RHPN2: variants seen among roughly 807,000 people sequenced by gnomAD.
The protein encoded by RHPN2 is rhophilin Rho GTPase binding protein 2, also known as rhophilin-2.
Under a neutral mutation model 79.0 loss-of-function variants are expected in RHPN2, and 40 were observed. That is an observed-to-expected ratio of 0.51 (90% CI 0.39 to 0.66). RHPN2 has a LOEUF of 0.66. RHPN2 is among the 30% of genes least tolerant of loss of function. RHPN2 has a pLI of 0.00. For missense variants in RHPN2, 686 were observed against 883.5 expected (o/e 0.78, Z 2.83); for synonymous variants, 285 against 363.5 (o/e 0.78, Z 2.46).
At chr19:33,016,779 G>A (rs1971881629) in intron 4 of RHPN2, among the ~76,000 whole-genome samples, 1 of 152,166 alleles carries the variant, frequency 6.6e-6, no homozygotes, top group Non-Finnish European at 1.5e-5. Flanking sequence ...GATTTGAAAT[G>A]GAACTGCCGT....
intron 1 of RHPN2, among the ~76,000 whole-genome samples, chr19:33,048,758 G>C (rs573065808): frequency 7.5e-6 from 1 of 133,452 alleles, no homozygotes; most frequent in South Asian, 2.7e-4. Context: ...TTAATGTTAA[G>C]CTATTATAAT....
chr19:33,043,283 G>A (rs556691970), intron 2 of RHPN2, among the ~76,000 whole-genome samples: 2 of 152,160 alleles, frequency 1.3e-5, no homozygotes, highest in Admixed American at 1.3e-4. Context: ...AGACGCAGTA[G>A]CTCGCGCCTG....
At chr19:33,015,384 C>T in intron 4 of RHPN2, among the ~76,000 whole-genome samples, 1 of 152,086 alleles carries the variant, frequency 6.6e-6, no homozygotes, top group Non-Finnish European at 1.5e-5. Flanking sequence ...GAGATTGAGC[C>T]ATTGCACTCC....
chr19:33,061,789 C>G (rs903441062), intron 1 of RHPN2, among the ~76,000 whole-genome samples: 4 of 151,990 alleles, frequency 2.6e-5, no homozygotes, highest in African/African-American at 9.7e-5. Flanking sequence ...TGGTCAGCAC[C>G]TGCCTTTCAT....
chr19:32,995,996 C>T, intron 11 of RHPN2, 30 bp downstream of exon 11: 1 of 1,613,008 alleles, frequency 6.2e-7, no homozygotes. Context: ...CAGGCACCCC[C>T]ACAGAGGGAA....
chr19:33,056,953 CAAAAAAAAAAA>C (rs754855820), intron 1 of RHPN2, among the ~76,000 whole-genome samples: 5 of 114,430 alleles, frequency 4.4e-5, no homozygotes, highest in Middle Eastern at 4.3e-3. Context: ...AATAAAAATA[CAAAAAAAAAAA>C]AAAAAATTAG....
rs1971917500 is a variant in RHPN2, at chr19:33,020,747, T to C, written c.390+824A>G. Reference sequence around the variant, plus strand: ...AACTCCTGAGCTCAAGTGATCCGCCTGCTTCAGCCTCCCAAAGTGCTGGGA... The same window carrying C: ...AACTCCTGAGCTCAAGTGATCCGCCCGCTTCAGCCTCCCAAAGTGCTGGGA... On this transcript the variant is annotated intron_variant, in intron 4 of 14. Coordinates refer to ENST00000254260, the MANE Select transcript of RHPN2 (RefSeq NM_033103.5). Among the ~76,000 whole-genome samples, 3 of 152,182 alleles carry C rather than the reference T, an allele frequency of 2.0e-5. No homozygotes were observed. The South Asian group carries it at 6.2e-4, about 32-fold the overall frequency.
At position 33,044,270 on chromosome 19, in the gene RHPN2, G is replaced by T; in HGVS notation, c.164C>A (p.Thr55Asn). 1 of 1,613,922 alleles carries T rather than the reference G, an allele frequency of 6.2e-7. No homozygotes were observed. ...QQILKAVRMR[T>N]GAENLLKVAT... ...CTACTTCAGAAGGTTTTCCGCTCCG[G>T]TCCTCATCCGCACGGCTTTCAGGAT... Residue 55 changes from threonine to asparagine, a missense_variant, in exon 2 of 15, where the codon ACC (threonine) becomes AAC (asparagine). Coordinates refer to ENST00000254260, the MANE Select transcript of RHPN2 (RefSeq NM_033103.5).
chr19:33,035,668 G>A (rs1187764833), intron 2 of RHPN2, among the ~76,000 whole-genome samples: 1 of 152,076 alleles, frequency 6.6e-6, no homozygotes, highest in Non-Finnish European at 1.5e-5. Flanking sequence ...AGACTTGCTG[G>A]GCTGCATTCT....
chr19:33,022,860 G>C (rs970840921), intron 3 of RHPN2, among the ~76,000 whole-genome samples: 1 of 152,248 alleles, frequency 6.6e-6, no homozygotes, highest in Non-Finnish European at 1.5e-5. Context: ...AGTCCCATCC[G>C]GGGGCATGGA....
intron 14 of RHPN2, among the ~76,000 whole-genome samples, chr19:32,981,218 A>T (rs907600058): frequency 1.3e-5 from 2 of 152,020 alleles, no homozygotes; most frequent in Non-Finnish European, 2.9e-5. Flanking sequence ...CTATTTGAGA[A>T]AGTAATAATA....
At chr19:32,999,045 G>A (rs551794863) in intron 10 of RHPN2, among the ~76,000 whole-genome samples, 6 of 151,664 alleles carry the variant, frequency 4.0e-5, no homozygotes, top group East Asian at 3.9e-4. Flanking sequence ...GAAAAGAAGC[G>A]TGGAGAGTGA....
intron 1 of RHPN2, 112 bp downstream of exon 1, chr19:33,064,672 C>A (rs976542789): frequency 1.5e-4 from 171 of 1,154,180 alleles, no homozygotes; most frequent in Non-Finnish European, 1.9e-4. Context: ...GCGCCCCCTC[C>A]CCCTCCCGGC....
intron 2 of RHPN2, among the ~76,000 whole-genome samples, chr19:33,036,719 G>A (rs1004429571): frequency 4.6e-5 from 7 of 152,184 alleles, no homozygotes; most frequent in African/African-American, 1.7e-4. Flanking sequence ...GGCTGGACGG[G>A]CCCCGCACTA....
chr19:32,991,013 TAAA>T (rs1212027711), intron 13 of RHPN2, among the ~76,000 whole-genome samples: 8 of 109,174 alleles, frequency 7.3e-5, no homozygotes, highest in Admixed American at 1.8e-4. Context: ...TGGGTGCAAT[TAAA>T]AAAAAAAAAA....
At chr19:32,995,147 G>A (rs973242598) in intron 11 of RHPN2, among the ~76,000 whole-genome samples, 11 of 151,984 alleles carry the variant, frequency 7.2e-5, no homozygotes, top group African/African-American at 2.4e-4. Flanking sequence ...ATCACAGCTC[G>A]CTTGCAGCTT....
At chr19:33,044,683 A>T (rs1297313019) in intron 1 of RHPN2, among the ~76,000 whole-genome samples, 1 of 152,172 alleles carries the variant, frequency 6.6e-6, no homozygotes, top group Non-Finnish European at 1.5e-5. Flanking sequence ...ACCTGAAGTC[A>T]GGAGTTCAAG....
At position 32,994,063 on chromosome 19, in the gene RHPN2, A is replaced by C; in HGVS notation, c.1421-10T>G. The stretch of plus-strand genomic sequence containing the variant: ...TCTTGCTCAGTTTTAGCTAGAATAG[A>C]GGATTAGAAATGGGAGGATAAACGT... On this transcript the variant is annotated splice_polypyrimidine_tract_variant and intron_variant, in intron 11 of 14. Transcript: ENST00000254260. The C allele has an allele frequency of 2.5e-6, 4 of 1,591,752 alleles. No homozygotes were observed. The highest frequency in any genetic ancestry group is 3.4e-6 in the Non-Finnish European group (4 of 1,159,902).
chr19:33,035,247 G>A (rs1206960681), intron 2 of RHPN2, among the ~76,000 whole-genome samples: 4 of 150,968 alleles, frequency 2.6e-5, no homozygotes, highest in Non-Finnish European at 5.9e-5. Context: ...GATTACAGGC[G>A]TGAGCCACCA....
Sources: gnomAD v4.1 joint callset for allele counts (sites outside exome capture counted in the v4.1 genomes callset) on GRCh38, gnomAD v4.1.1 for gene constraint, MANE v1.5 for transcripts, NCBI Gene and HGNC (gene_info 2026-07-23, HGNC 2026-07-21) for gene names.